HORMAD2: variants seen among roughly 807,000 people sequenced by gnomAD.
HORMAD2 encodes the protein HORMA domain-containing protein 2.
Under a neutral mutation model 38.8 loss-of-function variants are expected in HORMAD2, and 45 were observed. That is an observed-to-expected ratio of 1.16 (90% CI 0.91 to 1.49). The LOEUF is 1.49. HORMAD2 is among the 40% of genes most tolerant of loss of function. HORMAD2 has a pLI of 0.00. For synonymous variants in HORMAD2, 126 were observed against 122.8 expected (o/e 1.03, Z -0.17); for missense variants, 338 against 367.0 (o/e 0.92, Z 0.65).
At chr22:30,084,432 C>A (rs990964708) in intron 1 of HORMAD2, among the ~76,000 whole-genome samples, 1 of 152,098 alleles carries the variant, frequency 6.6e-6, no homozygotes, top group Non-Finnish European at 1.5e-5. Flanking sequence ...CTTAAAGGCC[C>A]CAACTCTCAA....
At chr22:30,138,462 C>T (rs2146172644) in intron 10 of HORMAD2, among the ~76,000 whole-genome samples, 1 of 152,148 alleles carries the variant, frequency 6.6e-6, no homozygotes, top group South Asian at 2.1e-4. Flanking sequence ...GCCTCTGCAT[C>T]CAGCTTCCTT....
At chr22:30,081,704 T>C (rs1239182097) in intron 1 of HORMAD2, among the ~76,000 whole-genome samples, 1 of 152,176 alleles carries the variant, frequency 6.6e-6, no homozygotes, top group South Asian at 2.1e-4. Context: ...GCCTCCCATG[T>C]AGCTGGGACT....
chr22:30,204,739 C>G, the HORMAD2 span, among the ~76,000 whole-genome samples: 1 of 152,198 alleles, frequency 6.6e-6, no homozygotes, highest in Non-Finnish European at 1.5e-5. Flanking sequence ...ATTTATAAAG[C>G]TGCCAGGGCC....
At chr22:30,187,184 C>T in the HORMAD2 span, among the ~76,000 whole-genome samples, 1 of 152,206 alleles carries the variant, frequency 6.6e-6, no homozygotes, top group Non-Finnish European at 1.5e-5. Flanking sequence ...TTAGGGTTTA[C>T]TGTATGCTAG....
the HORMAD2 span, among the ~76,000 whole-genome samples, chr22:30,206,250 TCTGC>T: frequency 3.3e-5 from 5 of 152,242 alleles, no homozygotes; most frequent in African/African-American, 1.2e-4. Flanking sequence ...CACTGCAACC[TCTGC>T]CTCCTGGGTT....
intron 10 of HORMAD2, among the ~76,000 whole-genome samples, chr22:30,168,182 T>C (rs139059349): frequency 0.013 from 1,913 of 152,292 alleles, 18 homozygotes; most frequent in Non-Finnish European, 0.015. Flanking sequence ...ACCACTTAAG[T>C]GTTTTAAGTG....
At chr22:30,200,731 GTATTAT>G in the HORMAD2 span, among the ~76,000 whole-genome samples, 89 of 141,544 alleles carry the variant, frequency 6.3e-4, no homozygotes, top group African/African-American at 7.8e-4. Flanking sequence ...CAACAGAAAT[GTATTAT>G]TATTATTATT....
chr22:30,145,716 T>C (rs5997581), intron 10 of HORMAD2, among the ~76,000 whole-genome samples: 31 of 152,318 alleles, frequency 2.0e-4, no homozygotes, highest in African/African-American at 7.2e-4. Context: ...TCAAACAGTC[T>C]AAGCTGTGTG....
At chr22:30,124,322 CTTTA>C (rs1335691261) in intron 10 of HORMAD2, among the ~76,000 whole-genome samples, 1 of 151,216 alleles carries the variant, frequency 6.6e-6, no homozygotes, top group African/African-American at 2.4e-5. Flanking sequence ...TATGTAGAAT[CTTTA>C]TTTCTTTTAA....
At chr22:30,163,702 A>T (rs982098406) in intron 10 of HORMAD2, among the ~76,000 whole-genome samples, 12 of 152,248 alleles carry the variant, frequency 7.9e-5, no homozygotes, top group Non-Finnish European at 1.8e-4. Context: ...TTCTGGGATT[A>T]CAGGCATGAA....
chr22:30,202,092 G>A, the HORMAD2 span, among the ~76,000 whole-genome samples: 1 of 152,212 alleles, frequency 6.6e-6, no homozygotes, highest in African/African-American at 2.4e-5. Flanking sequence ...ACTAAGGGCA[G>A]TGAACTTAAA....
intron 10 of HORMAD2, among the ~76,000 whole-genome samples, chr22:30,173,595 A>T (rs1926251155): frequency 6.6e-6 from 1 of 152,214 alleles, no homozygotes; most frequent in African/African-American, 2.4e-5. Context: ...CAATTTGGGC[A>T]GACTGCACTT....
chr22:30,118,127 C>T (rs563338855), intron 7 of HORMAD2, among the ~76,000 whole-genome samples: 43 of 152,302 alleles, frequency 2.8e-4, no homozygotes. Context: ...CACTCACCTG[C>T]TTAAAACTCT....
intron 10 of HORMAD2, among the ~76,000 whole-genome samples, chr22:30,135,461 A>G (rs1456234522): frequency 1.3e-5 from 2 of 151,962 alleles, no homozygotes; most frequent in Non-Finnish European, 2.9e-5. Context: ...AGTATGGGGA[A>G]TCTGAGGCAG....
intron 10 of HORMAD2, among the ~76,000 whole-genome samples, chr22:30,155,596 T>C (rs1925019961): frequency 6.6e-6 from 1 of 152,142 alleles, no homozygotes; most frequent in Admixed American, 6.5e-5. Flanking sequence ...TGGTTCCTTC[T>C]AATAGCCACA....
intron 10 of HORMAD2, among the ~76,000 whole-genome samples, chr22:30,143,408 C>T (rs1454243509): frequency 6.6e-6 from 1 of 152,006 alleles, no homozygotes; most frequent in African/African-American, 2.4e-5. Context: ...TTTTATCTTA[C>T]CTTTGTTTTT....
chr22:30,201,044 C>T, the HORMAD2 span, among the ~76,000 whole-genome samples: 2 of 152,130 alleles, frequency 1.3e-5, no homozygotes, highest in African/African-American at 2.4e-5. Context: ...GCCACCACGC[C>T]CGGCCAGAAA....
intron 10 of HORMAD2, among the ~76,000 whole-genome samples, chr22:30,140,764 T>A (rs1924015510): frequency 6.6e-6 from 1 of 152,196 alleles, no homozygotes; most frequent in African/African-American, 2.4e-5. Flanking sequence ...ATTTTTTAAT[T>A]CTCCATATCA....
chr22:30,171,477 C>T (rs1191157972), intron 10 of HORMAD2, among the ~76,000 whole-genome samples: 1 of 152,178 alleles, frequency 6.6e-6, no homozygotes, highest in Non-Finnish European at 1.5e-5. Context: ...ATCCTCCTGA[C>T]TCTACCTGCC....
Sources: gnomAD v4.1 joint callset for allele counts (sites outside exome capture counted in the v4.1 genomes callset) on GRCh38, gnomAD v4.1.1 for gene constraint, MANE v1.5 for transcripts, NCBI Gene and HGNC (gene_info 2026-07-23, HGNC 2026-07-21) for gene names.